MGMT: variants seen among roughly 807,000 people sequenced by gnomAD.
MGMT encodes O-6-methylguanine-DNA methyltransferase.
A neutral mutation model predicts 15.9 loss-of-function variants in MGMT; 14 were observed. That is an observed-to-expected ratio of 0.88 (90% confidence interval 0.58 to 1.37). The LOEUF is 1.37. Among genes scored for constraint, MGMT ranks in the 40% most tolerant of loss-of-function variants. The pLI is 0.00. For synonymous variants in MGMT, 130 were observed against 118.2 expected (o/e 1.10, Z -0.65); for missense variants, 282 against 268.1 (o/e 1.05, Z -0.36).
intron 1 of MGMT, among the ~76,000 whole-genome samples, chr10:129,517,923 C>G (rs1845757266): frequency 6.6e-6 from 1 of 152,216 alleles, no homozygotes; most frequent in African/African-American, 2.4e-5. Context: ...TGGGTTGTGG[C>G]TTTGTCACCC....
intron 2 of MGMT, among the ~76,000 whole-genome samples, chr10:129,660,802 A>ACG (rs1564751879): frequency 1.4e-5 from 2 of 146,212 alleles, no homozygotes; most frequent in African/African-American, 5.1e-5. Flanking sequence ...ACACACACGC[A>ACG]CACACATGCA....
chr10:129,552,330 T>C (rs1335045409), intron 2 of MGMT, among the ~76,000 whole-genome samples: 1 of 152,204 alleles, frequency 6.6e-6, no homozygotes, highest in African/African-American at 2.4e-5. Flanking sequence ...TGCGTCACCA[T>C]GACGCTGCAT....
chr10:129,579,861 A>G (rs1032805946), intron 2 of MGMT, among the ~76,000 whole-genome samples: 1 of 152,192 alleles, frequency 6.6e-6, no homozygotes, highest in Admixed American at 6.5e-5. Flanking sequence ...AGTGTGAAAC[A>G]GGAATGCCTT....
intron 1 of MGMT, among the ~76,000 whole-genome samples, chr10:129,472,791 G>A (rs752687130): frequency 5.3e-5 from 8 of 152,182 alleles, no homozygotes; most frequent in South Asian, 2.1e-4. Flanking sequence ...TGGAGGTCGG[G>A]ATCACTTGGC....
At chr10:129,697,568 G>A (rs913824134) in intron 2 of MGMT, among the ~76,000 whole-genome samples, 1 of 152,222 alleles carries the variant, frequency 6.6e-6, no homozygotes, top group Admixed American at 6.5e-5. Flanking sequence ...AGCTTATAAT[G>A]GAATGCCTGG....
intron 1 of MGMT, among the ~76,000 whole-genome samples, chr10:129,486,118 T>G (rs1845406336): frequency 2.6e-5 from 4 of 152,108 alleles, no homozygotes; most frequent in African/African-American, 9.7e-5. Flanking sequence ...CCTTCTAAAT[T>G]TAGGCACAGC....
intron 1 of MGMT, among the ~76,000 whole-genome samples, chr10:129,477,589 A>G (rs1220615139): frequency 6.6e-6 from 1 of 152,166 alleles, no homozygotes; most frequent in African/African-American, 2.4e-5. Flanking sequence ...AGAGAAAGAG[A>G]GGATCTCTCC....
At chr10:129,766,081 C>T (rs1054479033) in intron 4 of MGMT, among the ~76,000 whole-genome samples, 2 of 152,212 alleles carry the variant, frequency 1.3e-5, no homozygotes, top group African/African-American at 4.8e-5. Context: ...AGTTGGTAGG[C>T]AGGATCCGGG....
At chr10:129,757,922 A>G (rs1848825143) in intron 3 of MGMT, among the ~76,000 whole-genome samples, 1 of 152,200 alleles carries the variant, frequency 6.6e-6, no homozygotes, top group Non-Finnish European at 1.5e-5. Flanking sequence ...ATTAACCCCA[A>G]AGTCACCCTC....
rs1390283100 is a variant in MGMT, at chr10:129,581,885, T to A, written c.125+45508T>A. ...AGCAATTTATTTTCAACAGTTTCTA[T>A]CCTTAATATTTAAAAAATAGGAAAG... On this transcript the variant is annotated intron_variant, in intron 2 of 4. Transcript: ENST00000651593. Among the ~76,000 whole-genome samples the A allele has an allele frequency of 2.0e-5, 3 of 152,350 alleles. No individual in the cohort carries two copies. The South Asian group carries it at 6.2e-4, about 32-fold the overall frequency.
At chr10:129,686,637 A>G (rs1406281534) in intron 2 of MGMT, among the ~76,000 whole-genome samples, 3 of 152,180 alleles carry the variant, frequency 2.0e-5, no homozygotes, top group African/African-American at 7.2e-5. Context: ...TGCTGGGATT[A>G]TAGACATGTG....
chr10:129,765,388 C>G (rs924416260), intron 4 of MGMT, among the ~76,000 whole-genome samples: 2 of 152,178 alleles, frequency 1.3e-5, no homozygotes, highest in Non-Finnish European at 2.9e-5. Context: ...CCCCAGAGTC[C>G]CCTGCGGTGG....
At chr10:129,588,060 G>A (rs930874895) in intron 2 of MGMT, among the ~76,000 whole-genome samples, 2 of 152,172 alleles carry the variant, frequency 1.3e-5, no homozygotes, top group Non-Finnish European at 2.9e-5. Context: ...AACTACAGTG[G>A]TATTTAGTTT....
intron 1 of MGMT, among the ~76,000 whole-genome samples, chr10:129,517,203 C>T (rs1845748177): frequency 1.3e-5 from 2 of 152,224 alleles, no homozygotes; most frequent in South Asian, 2.1e-4. Context: ...GGCTCCTGGA[C>T]AGCGAGGGGC....
At chr10:129,738,219 A>AG (rs1848588141) in intron 3 of MGMT, among the ~76,000 whole-genome samples, 1 of 152,206 alleles carries the variant, frequency 6.6e-6, no homozygotes, top group South Asian at 2.1e-4. Flanking sequence ...CCGTGGGCAT[A>AG]GGACCCTCCA....
In MGMT at chr10:129,618,733, A is replaced by G. The variant is rs1019767542; in HGVS notation, c.125+82356A>G. Among the ~76,000 whole-genome samples the G allele has an allele frequency of 2.8e-4, 15 of 54,094 alleles. No individual in the cohort carries two copies. The East Asian group carries it at 0.018, about 66-fold the overall frequency. 35.5% of individuals were successfully genotyped at this position (54,094 alleles called of 152,430 possible). A position where few individuals can be genotyped will look rare whatever the true frequency, so the allele number is the denominator to read the frequency against. ...ACATAAATTTATCCATAAGTTTTTCATGTGTTTTTGTTTTGTCCTTTAAAA... is the reference window on the plus strand; with the variant it reads ...ACATAAATTTATCCATAAGTTTTTCGTGTGTTTTTGTTTTGTCCTTTAAAA... On this transcript the variant is annotated intron_variant, in intron 2 of 4. Coordinates refer to ENST00000651593, the MANE Select transcript of MGMT (RefSeq NM_002412.5).
intron 2 of MGMT, among the ~76,000 whole-genome samples, chr10:129,577,867 G>A (rs1389247906): frequency 2.0e-5 from 3 of 152,106 alleles, no homozygotes; most frequent in Non-Finnish European, 4.4e-5. Flanking sequence ...CAAAAAGTGG[G>A]CAAAGGATAT....
At chr10:129,508,282 A>G (rs1845645397) in intron 1 of MGMT, among the ~76,000 whole-genome samples, 1 of 152,130 alleles carries the variant, frequency 6.6e-6, no homozygotes, top group African/African-American at 2.4e-5. Flanking sequence ...ATACCTGGTG[A>G]TACGTGGCAG....
intron 2 of MGMT, among the ~76,000 whole-genome samples, chr10:129,569,832 A>T (rs1010958661): frequency 6.6e-6 from 1 of 152,156 alleles, no homozygotes; most frequent in African/African-American, 2.4e-5. Context: ...CCTTATAGGT[A>T]TTGGGATGAT....
Sources: gnomAD v4.1 joint callset for allele counts (sites outside exome capture counted in the v4.1 genomes callset) on GRCh38, gnomAD v4.1.1 for gene constraint, MANE v1.5 for transcripts, NCBI Gene and HGNC (gene_info 2026-07-23, HGNC 2026-07-21) for gene names.